Variants in RALGDS observed in about 807,000 individuals in gnomAD.
RALGDS encodes the protein ral guanine nucleotide dissociation stimulator.
A neutral mutation model predicts 99.8 loss-of-function variants in RALGDS; 44 were observed. That is an observed-to-expected ratio of 0.44 (90% CI 0.35 to 0.57). The LOEUF is 0.57. Ranked by LOEUF, RALGDS falls within the 20% of genes least tolerant of loss-of-function variation. The pLI, the probability that RALGDS is intolerant of heterozygous loss-of-function variation, is 0.01. For synonymous variants in RALGDS, 529 were observed against 505.0 expected (o/e 1.05, Z -0.64); for missense variants, 1,022 against 1,203.1 (o/e 0.85, Z 2.23).
At chr9:133,110,557 A>T in intron 2 of RALGDS, 68 bp from the exon 3 acceptor site, 1 of 1,400,028 alleles carries the variant, frequency 7.1e-7, no homozygotes, top group Non-Finnish European at 1.0e-6. Context: ...CTCAGATGGA[A>T]CCCCGAGCCC....
intron 9 of RALGDS, chr9:133,104,534 T>C: frequency 1.7e-6 from 1 of 595,564 alleles, no homozygotes; most frequent in Admixed American, 2.7e-5. Context: ...GCCTGCTGCA[T>C]GGTGCGGTGG....
At position 133,121,018 on chromosome 9, in the gene RALGDS, A is replaced by G; in HGVS notation, c.137T>C (p.Val46Ala). 2 of 1,497,276 alleles carry G rather than the reference A, an allele frequency of 1.3e-6. No individual in the cohort carries two copies. The highest frequency in any genetic ancestry group is 1.8e-6 in the Non-Finnish European group (2 of 1,129,904). 92.7% of individuals were successfully genotyped at this position (1,497,276 alleles called of 1,614,324 possible). The change falls in exon 1 of 18, where the codon GTG becomes GCG. Residue 46 changes from valine to alanine, a missense_variant. By Grantham distance (64) the Val-to-Ala change is moderately conservative (BLOSUM62 0). Transcript: ENST00000372050. ...EVGVPDSCPV[V>A]LHSFTQLDPD... The stretch of plus-strand genomic sequence containing the variant: ...GTCTAGCTGCGTGAAGCTGTGCAGC[A>G]CCACCGGGCAGCTGTCGGGGACGCC...
intron 1 of RALGDS, among the ~76,000 whole-genome samples, chr9:133,119,413 C>T (rs1243781127): frequency 6.6e-6 from 1 of 152,132 alleles, no homozygotes; most frequent in African/African-American, 2.4e-5. Flanking sequence ...AGAAGCTTCC[C>T]CTTTGATTTC....
chr9:133,117,657 A>G (rs2773807), intron 1 of RALGDS, among the ~76,000 whole-genome samples: 85,188 of 152,142 alleles, frequency 0.56, 23,988 homozygotes, highest in Middle Eastern at 0.65. Flanking sequence ...CAAATGGGGA[A>G]CACTGCTCTG....
Position 133,110,333 on chromosome 9 carries a change from T to C in RALGDS, c.451A>G (p.Thr151Ala). 2 of 1,613,870 alleles carry C rather than the reference T, an allele frequency of 1.2e-6. No homozygotes were observed. The highest frequency in any genetic ancestry group is 1.1e-5 in the South Asian group (1 of 91,080). ...AGGTCCAGGACCTGTTGGGTGGTGGTGAAGGCTCTATAGGTACACAGGAAG... is the reference window on the plus strand; with the variant it reads ...AGGTCCAGGACCTGTTGGGTGGTGGCGAAGGCTCTATAGGTACACAGGAAG... ...TIFLCTYRAF[T>A]TTQQVLDLLF... Residue 151 changes from threonine (T) to alanine (A), a missense_variant, in exon 3 of 18, where the codon ACC becomes GCC. Physicochemically the swap from Thr to Ala is moderately conservative, Grantham distance 58 (BLOSUM62 0). Around this residue, in one of 3 missense-constraint regions of RALGDS, gnomAD observed 825 missense variants for 994.5 expected, o/e 0.83. Coordinates refer to ENST00000372050, the MANE Select transcript of RALGDS (RefSeq NM_006266.4).
At chr9:133,126,462 C>T (rs1024450612) in intron 1 of RALGDS, among the ~76,000 whole-genome samples, 2 of 152,192 alleles carry the variant, frequency 1.3e-5, no homozygotes, top group South Asian at 4.1e-4. Context: ...ACATAAAAAC[C>T]CACATTTCCC....
intron 1 of RALGDS, among the ~76,000 whole-genome samples, chr9:133,140,578 T>C (rs1421160877): frequency 6.6e-6 from 1 of 151,794 alleles, no homozygotes; most frequent in Non-Finnish European, 1.5e-5. Context: ...AGGCAGTGGG[T>C]CCCGGCCCCC....
At chr9:133,120,420 AT>A (rs529726325) in intron 1 of RALGDS, among the ~76,000 whole-genome samples, 1,895 of 55,508 alleles carry the variant, frequency 0.034, 14 homozygotes, top group Middle Eastern at 0.1. Context: ...GCTCCACCCC[AT>A]CCCCCGACCC....
chr9:133,110,451 G>A lies in RALGDS; in HGVS notation c.333C>T (p.Cys111=), dbSNP rs762952765. ...NESALNLYET[C]KVRTVKAGTL... is the part of the protein sequence containing the mutation. ...TGCCAGCCTTCACGGTCCGCACCTT[G>A]CAAGTCTCATAAAGGTTCAGGGCCG... The change falls in exon 3 of 18, where the codon TGC becomes TGT. Residue 111 remains cysteine (C), a synonymous_variant. Transcript: ENST00000372050. The A allele has an allele frequency of 1.4e-5, 22 of 1,613,276 alleles. No individual in the cohort carries two copies. Among genetic ancestry groups the A allele is most frequent in the Non-Finnish European group, 1.8e-5 (21 of 1,179,898 alleles).
chr9:133,143,858 C>T (rs1832578023), intron 1 of RALGDS, among the ~76,000 whole-genome samples: 1 of 148,722 alleles, frequency 6.7e-6, no homozygotes, highest in South Asian at 2.1e-4. Context: ...CACTCCTGGG[C>T]CAGCGGCCCG....
chr9:133,104,400 G>A, intron 9 of RALGDS, 69 bp from the exon 10 acceptor site: 9 of 1,415,362 alleles, frequency 6.4e-6, no homozygotes, highest in Non-Finnish European at 9.0e-6. Context: ...GACCTGGGGT[G>A]CTGCCAGTGT....
Position 133,109,818 on chromosome 9 carries a change from T to C in RALGDS, c.489-97A>G, listed in dbSNP as rs557377544. On this transcript the variant is annotated intron_variant, in intron 3 of 17. Transcript: ENST00000372050. Reference sequence around the variant, plus strand: ...TTTTTTGCTTTTTTTCATCAAATTATATTAAATGCCTAGAAAAGGGCCAGC... The same window carrying C: ...TTTTTTGCTTTTTTTCATCAAATTACATTAAATGCCTAGAAAAGGGCCAGC... The C allele has an allele frequency of 4.7e-4, 432 of 916,206 alleles. 1 individual carries two copies. The highest frequency in any genetic ancestry group is 3.3e-4 in the Non-Finnish European group (187 of 567,318). 56.8% of individuals were successfully genotyped at this position (916,206 alleles called of 1,614,324 possible). A position where few individuals can be genotyped will look rare whatever the true frequency, so the allele number is the denominator to read the frequency against.
At chr9:133,112,781 C>G (rs1831414587) in intron 1 of RALGDS, among the ~76,000 whole-genome samples, 1 of 152,222 alleles carries the variant, frequency 6.6e-6, no homozygotes, top group Admixed American at 6.5e-5. Context: ...GCACCCCAGA[C>G]AGCCACATCC....
intron 8 of RALGDS, 58 bp from the exon 9 acceptor site, chr9:133,106,074 T>G (rs563478208): frequency 6.6e-6 from 9 of 1,358,872 alleles, no homozygotes; most frequent in East Asian, 4.8e-5. Flanking sequence ...GGGGTGTGAG[T>G]GCAAATCCGT....
At chr9:133,108,954 G>A (rs1361898649) in intron 4 of RALGDS, 88 bp from the exon 5 acceptor site, 3 of 1,325,294 alleles carry the variant, frequency 2.3e-6, no homozygotes, top group Non-Finnish European at 3.2e-6. Flanking sequence ...TCCATCTGAA[G>A]GCCACCTGCC....
chr9:133,104,575 G>A, intron 9 of RALGDS: 1 of 528,806 alleles, frequency 1.9e-6, no homozygotes, highest in Non-Finnish European at 3.4e-6. Context: ...ATTTTGGAAG[G>A]CCAAGGCAGG....
At chr9:133,102,600 A>G (rs1281884848) in intron 13 of RALGDS, 29 bp from the exon 14 acceptor site, 1 of 1,611,136 alleles carries the variant, frequency 6.2e-7, no homozygotes, top group African/African-American at 1.3e-5. Context: ...TGGTGTGACA[A>G]CCAGGGGCCA....
chr9:133,131,159 T>C, upstream of RALGDS: 3 of 1,411,132 alleles, frequency 2.1e-6, no homozygotes, highest in Non-Finnish European at 2.8e-6. Context: ...CCTCTGAGCA[T>C]CTCACATCCT....
At chr9:133,112,947 C>T (rs1180392038) in intron 1 of RALGDS, among the ~76,000 whole-genome samples, 1 of 152,184 alleles carries the variant, frequency 6.6e-6, no homozygotes, top group Non-Finnish European at 1.5e-5. Flanking sequence ...AGCCCTAAAC[C>T]ACAGGCCTAG....
Sources: gnomAD v4.1 joint callset for allele counts (sites outside exome capture counted in the v4.1 genomes callset) on GRCh38, gnomAD v4.1.1 for gene constraint, gnomAD v4.1.1 regional missense constraint, MANE v1.5 for transcripts, NCBI Gene and HGNC (gene_info 2026-07-23, HGNC 2026-07-21) for gene names.